Variants in INPP5F observed in about 807,000 individuals in gnomAD.
INPP5F encodes the protein phosphatidylinositide 4-phosphatase SAC2.
A neutral mutation model predicts 137.2 loss-of-function variants in INPP5F; 97 were observed. The observed-to-expected ratio is 0.71, with a 90% confidence interval of 0.60 to 0.84. The LOEUF is 0.84. INPP5F is among the 40% of genes least tolerant of loss of function. The probability of loss-of-function intolerance (pLI) is 0.00; values close to 1 mark genes in which losing one functional copy is unlikely to be tolerated. For synonymous variants in INPP5F, 504 were observed against 476.9 expected (o/e 1.06, Z -0.74); for missense variants, 1,271 against 1,371.9 (o/e 0.93, Z 1.16).
chr10:119,739,810 G>A (rs1055022254), intron 1 of INPP5F, among the ~76,000 whole-genome samples: 1 of 151,952 alleles, frequency 6.6e-6, no homozygotes, highest in East Asian at 1.9e-4. Context: ...TGTAGAGACG[G>A]TGTTTTGCCA....
In INPP5F at chr10:119,827,343, A is replaced by G; in HGVS notation, c.2962A>G (p.Arg988Gly). Residue 988 changes from arginine to glycine, a missense_variant, in exon 20 of 20, where the codon AGA (arginine) becomes GGA (glycine). Coordinates refer to ENST00000650623, the MANE Select transcript of INPP5F (RefSeq NM_014937.4). Reference protein sequence around the residue: ...RSVSQQASQERNQMTNQVSNE... With the variant: ...RSVSQQASQEGNQMTNQVSNE... The stretch of plus-strand genomic sequence containing the variant: ...TGTGTCTCAGCAGGCTAGTCAGGAA[A>G]GAAATCAAATGACCAATCAAGTTTC... 2 of 1,614,228 alleles carry G rather than the reference A, an allele frequency of 1.2e-6. No individual in the cohort carries two copies. The highest frequency in any genetic ancestry group is 1.7e-6 in the Non-Finnish European group (2 of 1,180,034).
Position 119,763,741 on chromosome 10 carries a change from A to G in INPP5F, c.178+12585A>G, listed in dbSNP as rs373331193. ...TTTTCAAATCTTTAAGTTCTACTTC[A>G]TTTTTGCTTAACAACTCTGTCTTTA... is the stretch of plus-strand genomic sequence containing the variant. On this transcript the variant is annotated intron_variant, in intron 2 of 19. Transcript: ENST00000650623. Among the ~76,000 whole-genome samples the G allele has an allele frequency of 2.3e-3, 352 of 152,208 alleles. 15 individuals carry two copies. In the South Asian group the frequency reaches 0.07, roughly 30 times the overall value.
chr10:119,771,485 ACTC>A (rs1849334276), intron 2 of INPP5F, among the ~76,000 whole-genome samples: 2 of 151,272 alleles, frequency 1.3e-5, no homozygotes, highest in South Asian at 4.2e-4. Flanking sequence ...AGCCTCCCTC[ACTC>A]CTCTGTCCCT....
intron 2 of INPP5F, among the ~76,000 whole-genome samples, chr10:119,769,012 G>A (rs1322628585): frequency 6.6e-6 from 1 of 152,158 alleles, no homozygotes; most frequent in East Asian, 1.9e-4. Context: ...AAGAAAGCAG[G>A]GTTTGGATTA....
intron 1 of INPP5F, among the ~76,000 whole-genome samples, chr10:119,736,006 G>A (rs1389065959): frequency 1.3e-5 from 2 of 152,100 alleles, no homozygotes; most frequent in African/African-American, 4.8e-5. Context: ...GGCGAGCGCC[G>A]GTAATCCCAG....
Position 119,726,288 on chromosome 10 carries a change from A to T in INPP5F, c.26A>T (p.His9Leu). ...ATGGAGCTCTTCCAAGCCAAGGACC[A>T]CTACATCCTGCAGCAGGGCGAGCGC... MELFQAKD[H>L]YILQQGERAL... The change falls in exon 1 of 20, where the codon CAC becomes CTC. Residue 9 changes from histidine (H) to leucine (L), a missense_variant. By Grantham distance (99) the His-to-Leu change is moderately conservative. Coordinates refer to ENST00000650623, the MANE Select transcript of INPP5F (RefSeq NM_014937.4). The T allele has an allele frequency of 6.7e-7, 1 of 1,492,574 alleles. No individual in the cohort carries two copies. 92.5% of individuals were successfully genotyped at this position (1,492,574 alleles called of 1,614,324 possible).
intron 6 of INPP5F, among the ~76,000 whole-genome samples, chr10:119,795,538 C>T (rs1477090949): frequency 2.0e-5 from 3 of 151,320 alleles, no homozygotes; most frequent in African/African-American, 7.3e-5. Flanking sequence ...GGAAGAGGCG[C>T]TCCTCACTTC....
intron 2 of INPP5F, among the ~76,000 whole-genome samples, chr10:119,760,024 G>A (rs1035063730): frequency 6.6e-6 from 1 of 152,184 alleles, no homozygotes; most frequent in African/African-American, 2.4e-5. Flanking sequence ...GAAGTCACAT[G>A]AATGCGACCC....
At chr10:119,784,165 T>C (rs1050690859) in intron 3 of INPP5F, among the ~76,000 whole-genome samples, 2 of 152,242 alleles carry the variant, frequency 1.3e-5, no homozygotes, top group African/African-American at 4.8e-5. Flanking sequence ...TATAACTCAA[T>C]TTAAAAGAGT....
At chr10:119,745,773 C>T (rs1848513855) in intron 1 of INPP5F, among the ~76,000 whole-genome samples, 1 of 139,920 alleles carries the variant, frequency 7.1e-6, no homozygotes, top group Admixed American at 7.7e-5. Context: ...GTCGTGATCT[C>T]GGCTCACTGC....
At chr10:119,792,396 A>G (rs1449759893) in intron 6 of INPP5F, among the ~76,000 whole-genome samples, 183 bp downstream of exon 6, 2 of 152,212 alleles carry the variant, frequency 1.3e-5, no homozygotes, top group East Asian at 3.9e-4. Context: ...CATTATTTTA[A>G]GGCAGTTTAC....
At chr10:119,737,060 C>G (rs1848235028) in intron 1 of INPP5F, among the ~76,000 whole-genome samples, 1 of 152,166 alleles carries the variant, frequency 6.6e-6, no homozygotes, top group Admixed American at 6.5e-5. Flanking sequence ...AACCCCTGGG[C>G]TCAAGTGATC....
At chr10:119,728,497 G>C (rs1847954792) in intron 1 of INPP5F, among the ~76,000 whole-genome samples, 1 of 152,088 alleles carries the variant, frequency 6.6e-6, no homozygotes, top group Non-Finnish European at 1.5e-5. Flanking sequence ...TGTTTGTAGT[G>C]ACAGCATTTA....
chr10:119,754,306 G>A (rs563119236), intron 2 of INPP5F, among the ~76,000 whole-genome samples: 92 of 152,340 alleles, frequency 6.0e-4, no homozygotes, highest in Admixed American at 9.1e-4. Context: ...ATGTACAAAT[G>A]TAAGTTTGTT....
intron 2 of INPP5F, among the ~76,000 whole-genome samples, chr10:119,766,125 G>A (rs944517036): frequency 6.6e-6 from 1 of 152,080 alleles, no homozygotes; most frequent in Non-Finnish European, 1.5e-5. Flanking sequence ...CAGGAGCACT[G>A]ATGTCTGCAG....
chr10:119,811,942 G>A lies in INPP5F; in HGVS notation c.1873G>A (p.Asp625Asn). The change falls in exon 15 of 20, where the codon GAC becomes AAC. Residue 625 changes from aspartate (D) to asparagine (N), a missense_variant. Coordinates refer to ENST00000650623, the MANE Select transcript of INPP5F (RefSeq NM_014937.4). Reference protein sequence around the residue: ...EKFHGGWALIDCDPSLIDATH... With the variant: ...EKFHGGWALINCDPSLIDATH... Reference sequence around the variant, plus strand: ...GTTCCATGGGGGCTGGGCCCTCATTGACTGTGACCCTAGGTGAGTTGGAGT... The same window carrying A: ...GTTCCATGGGGGCTGGGCCCTCATTAACTGTGACCCTAGGTGAGTTGGAGT... 1.2e-6 allele frequency: 2 copies of A among 1,614,030 alleles called. No homozygotes were observed. Among genetic ancestry groups the A allele is most frequent in the Non-Finnish European group, 1.7e-6 (2 of 1,179,912 alleles).
chr10:119,777,627 T>C (rs1849569478), intron 2 of INPP5F, among the ~76,000 whole-genome samples: 1 of 152,226 alleles, frequency 6.6e-6, no homozygotes, highest in Non-Finnish European at 1.5e-5. Context: ...TTTATTGACA[T>C]TGAACAGTTT....
chr10:119,808,958 T>C (rs1323267076), intron 13 of INPP5F, among the ~76,000 whole-genome samples: 5 of 152,314 alleles, frequency 3.3e-5, no homozygotes, highest in Non-Finnish European at 7.4e-5. Flanking sequence ...GTACAGTGGC[T>C]CAACCCTGTA....
intron 10 of INPP5F, among the ~76,000 whole-genome samples, 158 bp from the exon 11 acceptor site, chr10:119,805,226 C>G (rs979887472): frequency 3.9e-5 from 6 of 152,146 alleles, no homozygotes; most frequent in Non-Finnish European, 8.8e-5. Flanking sequence ...TAAACATTTA[C>G]CTAATTGCCT....
Sources: allele counts gnomAD v4.1 joint callset (sites outside exome capture counted in the v4.1 genomes callset), GRCh38; gene constraint gnomAD v4.1.1; transcripts MANE v1.5; gene names NCBI Gene and HGNC (gene_info 2026-07-23, HGNC 2026-07-21).